Variants in ZNF451 observed in about 807,000 individuals in gnomAD.
ZNF451 encodes the protein zinc finger protein 451, also known as E3 SUMO-protein ligase ZNF451.
ZNF451 carries 80 observed loss-of-function variants against 107.1 expected under a neutral mutation model. The observed-to-expected ratio is 0.75, with a 90% CI of 0.62 to 0.90. The LOEUF is 0.90. ZNF451 is among the 40% of genes least tolerant of loss of function. ZNF451 has a pLI of 0.00. For synonymous variants in ZNF451, 362 were observed against 406.5 expected, an observed-to-expected ratio of 0.89 and a Z score of 1.32; for missense variants, 1,107 against 1,236.2, an observed-to-expected ratio of 0.90 and a Z score of 1.57.
intron 3 of ZNF451, chr6:57,107,934 G>T (rs1292992678): frequency 3.1e-5 from 19 of 606,674 alleles, no homozygotes; most frequent in Non-Finnish European, 3.7e-5. Context: ...TGCCTCCCGG[G>T]TTCACGCCAT....
chr6:57,161,224 C>A, intron 14 of ZNF451, 72 bp downstream of exon 14: 3 of 811,060 alleles, frequency 3.7e-6, no homozygotes. Flanking sequence ...CTCTGTCTCT[C>A]ACCCATTCAC....
rs1247992792 is a variant in ZNF451 at position 57,112,578 on chromosome 6, A to G, written c.187-12156A>G. Reference sequence around the variant, plus strand: ...ATTCTTTACCTTCTTCCCTCCTACAAATTGCATCTTTTTCTATTACTGGCT... The same window carrying G: ...ATTCTTTACCTTCTTCCCTCCTACAGATTGCATCTTTTTCTATTACTGGCT... On this transcript the variant is annotated intron_variant, in intron 3 of 14. Coordinates refer to ENST00000370706, the MANE Select transcript of ZNF451 (RefSeq NM_001031623.3). 2.6e-5 allele frequency among the ~76,000 whole-genome samples: 4 copies of G among 152,208 alleles called. No homozygotes were observed. In the South Asian group the frequency reaches 8.3e-4, roughly 32 times the overall value.
chr6:57,140,706 G>A (rs1831712033), intron 7 of ZNF451, among the ~76,000 whole-genome samples: 1 of 152,118 alleles, frequency 6.6e-6, no homozygotes, highest in South Asian at 2.1e-4. Context: ...TGTTGACTGA[G>A]TTGAATAGAT....
At chr6:57,128,099 C>G (rs906467851) in intron 4 of ZNF451, among the ~76,000 whole-genome samples, 1 of 152,112 alleles carries the variant, frequency 6.6e-6, no homozygotes, top group Admixed American at 6.6e-5. Context: ...TAGATGGCAA[C>G]AAATGCTTTA....
intron 3 of ZNF451, chr6:57,104,425 C>T (rs9370563): frequency 0.074 from 72,590 of 985,118 alleles, 2,940 homozygotes; most frequent in East Asian, 0.093. Flanking sequence ...TTCCATTTGT[C>T]CCCTTTTCCT....
chr6:57,155,718 C>G (rs906719919), intron 13 of ZNF451, among the ~76,000 whole-genome samples: 1 of 151,502 alleles, frequency 6.6e-6, no homozygotes, highest in Non-Finnish European at 1.5e-5. Context: ...GAGGTGAATA[C>G]GAGTAGACTT....
Position 57,149,577 on chromosome 6 carries a change from C to A in ZNF451, c.2608+884C>A, listed in dbSNP as rs182727680. Among the ~76,000 whole-genome samples, 29 of 152,206 alleles carry A rather than the reference C, an allele frequency of 1.9e-4. No homozygotes were observed. In the East Asian group the frequency reaches 4.4e-3, roughly 23 times the overall value. On this transcript the variant is annotated intron_variant, in intron 10 of 14. Coordinates refer to ENST00000370706, the MANE Select transcript of ZNF451 (RefSeq NM_001031623.3). ...ATATTCTTTTAAATAAATACTAATT[C>A]TTGGTGAGTTATACAATGTAGCATA...
chr6:57,104,791 C>G, intron 3 of ZNF451: 2 of 985,290 alleles, frequency 2.0e-6, no homozygotes, highest in Non-Finnish European at 2.4e-6. Flanking sequence ...AGTATCCTTT[C>G]TTAGTTACTC....
Position 57,141,445 on chromosome 6 carries a change from C to T in ZNF451, c.846C>T (p.Phe282=). 1 of 1,610,794 alleles carries T rather than the reference C, an allele frequency of 6.2e-7. No individual in the cohort carries two copies. The highest frequency in any genetic ancestry group is 8.5e-7 in the Non-Finnish European group (1 of 1,178,300). The change falls in exon 8 of 15, where the codon TTC becomes TTT. Residue 282 remains phenylalanine (F), a synonymous_variant. Coordinates refer to ENST00000370706, the MANE Select transcript of ZNF451 (RefSeq NM_001031623.3). ...GAAAGAATCATTTCCATCAGAGTTT[C>T]AAACTGGGTGGTATGTTAATACTCT... is the stretch of plus-strand genomic sequence containing the variant. ...MSGKNHFHQS[F]KLGDNKGIAH...
At chr6:57,139,147 C>T (rs1180465699) in intron 7 of ZNF451, among the ~76,000 whole-genome samples, 7 of 152,000 alleles carry the variant, frequency 4.6e-5, no homozygotes, top group Admixed American at 3.9e-4. Flanking sequence ...ATGAAAATGT[C>T]CTCCTCGGTG....
At chr6:57,102,978 A>C (rs1278562853) in intron 3 of ZNF451, 5 of 985,312 alleles carry the variant, frequency 5.1e-6, no homozygotes, top group Middle Eastern at 1.0e-3. Context: ...TCTCACTGTA[A>C]GCTGGGCCTT....
rs1318235369 is a variant in ZNF451, at chr6:57,104,183, TAGA to T, written c.186+5047_186+5049del. Reference sequence around the variant, plus strand: ...ACAAAGTGTCTTTCAAACTAAACTCTAGAAGAATATCGATTACCTGAACAGAAA... The same window carrying T: ...ACAAAGTGTCTTTCAAACTAAACTCTAGAATATCGATTACCTGAACAGAAA... On this transcript the variant is annotated intron_variant, in intron 3 of 14. Coordinates refer to ENST00000370706, the MANE Select transcript of ZNF451 (RefSeq NM_001031623.3). 3.5e-5 allele frequency: 34 copies of T among 985,402 alleles called. No homozygotes were observed. In the East Asian group the frequency reaches 2.9e-3, roughly 85 times the overall value. The allele number at this position is 985,402 out of a possible 1,614,324, so 61.0% of individuals were successfully genotyped here. A position where few individuals can be genotyped will look rare whatever the true frequency, so the allele number is the denominator to read the frequency against.
rs927953550 is a variant in ZNF451 at position 57,156,288 on chromosome 6, T to C, written c.3070+2241T>C. Reference sequence around the variant, plus strand: ...CCATCAAATTTCCTGTAGTGAACTTTATAAGGAATCAAAGAAAAATCATTT... The same window carrying C: ...CCATCAAATTTCCTGTAGTGAACTTCATAAGGAATCAAAGAAAAATCATTT... On this transcript the variant is annotated intron_variant, in intron 13 of 14. Transcript: ENST00000370706. 2.6e-5 allele frequency among the ~76,000 whole-genome samples: 4 copies of C among 152,218 alleles called. No homozygotes were observed. The South Asian group carries it at 6.2e-4, about 24-fold the overall frequency.
intron 9 of ZNF451, among the ~76,000 whole-genome samples, chr6:57,145,965 G>A (rs1288469290): frequency 1.1e-4 from 17 of 152,054 alleles, no homozygotes; most frequent in Admixed American, 1.1e-3. Context: ...AACATCAGTT[G>A]TTTTTTGACT....
Position 57,169,780 on chromosome 6 carries a change from T to C in ZNF451, c.*1311T>C, listed in dbSNP as rs1764049585. 3 of 152,222 alleles carry C rather than the reference T, an allele frequency of 2.0e-5. No individual in the cohort carries two copies. Among genetic ancestry groups the C allele is most frequent in the Admixed American group, 2.0e-4 (3 of 15,280 alleles). 9.4% of individuals were successfully genotyped at this position (152,222 alleles called of 1,614,324 possible). A position where few individuals can be genotyped will look rare whatever the true frequency, so the allele number is the denominator to read the frequency against. On this transcript the variant is annotated 3_prime_UTR_variant, in exon 15 of 15. Coordinates refer to ENST00000370706, the MANE Select transcript of ZNF451 (RefSeq NM_001031623.3). ...AACTAGACATTGTGGCTTGAGAATT[T>C]ATCAATCATCTTTCCGAAATGACCA...
At chr6:57,128,037 C>A (rs1037427783) in intron 4 of ZNF451, among the ~76,000 whole-genome samples, 8 of 152,240 alleles carry the variant, frequency 5.3e-5, no homozygotes, top group African/African-American at 1.9e-4. Context: ...GCCTGCAAAG[C>A]CATAATGAAA....
In ZNF451 at chr6:57,133,054, G is replaced by A. The variant is rs767585060; in HGVS notation, c.437G>A (p.Gly146Asp). 1 of 1,614,010 alleles carries A rather than the reference G, an allele frequency of 6.2e-7. No homozygotes were observed. The highest frequency in any genetic ancestry group is 1.7e-5 in the Admixed American group (1 of 60,024). Residue 146 changes from glycine to aspartate, a missense_variant, in exon 6 of 15, where the codon GGC becomes GAC. Physicochemically the swap from Gly to Asp is moderately conservative, Grantham distance 94. Coordinates refer to ENST00000370706, the MANE Select transcript of ZNF451 (RefSeq NM_001031623.3). The part of the protein sequence containing the change: ...QWLKMPGLKT[G>D]TINCGTKSSF... ...TCTGATGATGCAGGACTCAAAACAG[G>A]CACAATTAATTGTGGAACAAAAAGT...
chr6:57,138,588 A>G (rs1201814689), intron 7 of ZNF451, among the ~76,000 whole-genome samples: 1 of 150,492 alleles, frequency 6.6e-6, no homozygotes, highest in Non-Finnish European at 1.5e-5. Context: ...ACAAATTTGT[A>G]TGGTGTCTTT....
rs994271406 is a variant in ZNF451 at position 57,163,195 on chromosome 6, G to A, written c.3139+2043G>A. On this transcript the variant is annotated intron_variant, in intron 14 of 14. Coordinates refer to ENST00000370706, the MANE Select transcript of ZNF451 (RefSeq NM_001031623.3). ...TGAACCATATAGAATTGCCATTTTT[G>A]TAGGCACTGTTGTATGGTCAGTGCC... Among the ~76,000 whole-genome samples, 9 of 151,908 alleles carry A rather than the reference G, an allele frequency of 5.9e-5. 1 individual carries two copies.
Sources: gnomAD v4.1 joint callset for allele counts (sites outside exome capture counted in the v4.1 genomes callset) on GRCh38, gnomAD v4.1.1 for gene constraint, MANE v1.5 for transcripts, NCBI Gene and HGNC (gene_info 2026-07-23, HGNC 2026-07-21) for gene names.